Variants in PIK3C2G observed in about 807,000 individuals in gnomAD.
PIK3C2G encodes the protein phosphatidylinositol-4-phosphate 3-kinase catalytic subunit type 2 gamma, also known as phosphatidylinositol 3-kinase C2 domain-containing subunit gamma.
In PIK3C2G, 168 loss-of-function variants were observed where a neutral mutation model predicts 181.1. The observed-to-expected ratio is 0.93, with a 90% CI of 0.82 to 1.05. The LOEUF is 1.05. Ranked by LOEUF, PIK3C2G falls within the 50% of genes least tolerant of loss-of-function variation. The pLI is 0.00. For missense variants in PIK3C2G, 1,869 were observed against 1,732.8 expected (o/e 1.08, Z -1.40); for synonymous variants, 573 against 592.2 (o/e 0.97, Z 0.47).
At chr12:18,495,760 T>C (rs1440015403) in intron 20 of PIK3C2G, among the ~76,000 whole-genome samples, 2 of 152,170 alleles carry the variant, frequency 1.3e-5, no homozygotes, top group Admixed American at 1.3e-4. Flanking sequence ...CATACACTGC[T>C]TAGTTCATTT....
At chr12:18,307,900 T>C (rs895777670) in intron 5 of PIK3C2G, among the ~76,000 whole-genome samples, 8 of 151,922 alleles carry the variant, frequency 5.3e-5, no homozygotes, top group African/African-American at 1.9e-4. Flanking sequence ...ATTCTAATAC[T>C]ACAGTTTCTT....
chr12:18,397,954 T>C lies in PIK3C2G; in HGVS notation c.2127-1705T>C, dbSNP rs150973566. ...TATTCATTAATTAAAAGGAATTAAC[T>C]ATTGACAAACTCAACCAATATGGAT... On this transcript the variant is annotated intron_variant, in intron 15 of 32. Coordinates refer to ENST00000538779, the MANE Select transcript of PIK3C2G (RefSeq NM_001288772.2). Among the ~76,000 whole-genome samples, 209 of 152,250 alleles carry C rather than the reference T, an allele frequency of 1.4e-3. 1 individual carries two copies. The Middle Eastern group carries it at 0.02, about 15-fold the overall frequency.
chr12:18,655,054 T>A, the PIK3C2G span, among the ~76,000 whole-genome samples: 3 of 151,066 alleles, frequency 2.0e-5, no homozygotes, highest in Admixed American at 6.6e-5. Flanking sequence ...GAAACAATAA[T>A]AAAAAAAAAT....
At chr12:18,535,088 A>G (rs1393333089) in intron 24 of PIK3C2G, among the ~76,000 whole-genome samples, 3 of 152,120 alleles carry the variant, frequency 2.0e-5, no homozygotes, top group Non-Finnish European at 4.4e-5. Flanking sequence ...TAATGCTTAA[A>G]TTTCAGAGAT....
chr12:18,466,392 A>G (rs955626160), intron 18 of PIK3C2G, among the ~76,000 whole-genome samples: 2 of 148,048 alleles, frequency 1.4e-5, no homozygotes, highest in African/African-American at 5.3e-5. Context: ...ATCACATTCT[A>G]TATTGAAATA....
intron 18 of PIK3C2G, among the ~76,000 whole-genome samples, chr12:18,427,428 A>T (rs989848114): frequency 1.3e-5 from 2 of 149,478 alleles, no homozygotes; most frequent in Non-Finnish European, 3.0e-5. Context: ...AATTGCTGGA[A>T]CCCGGGAGGT....
intron 24 of PIK3C2G, among the ~76,000 whole-genome samples, chr12:18,513,163 A>G (rs1942322533): frequency 6.6e-6 from 1 of 151,818 alleles, no homozygotes; most frequent in South Asian, 2.1e-4. Flanking sequence ...ATGGTGAATG[A>G]TTCTTTTAAT....
At chr12:18,650,704 G>GTATATATCTA (rs1950448561), downstream of PIK3C2G, among the ~76,000 whole-genome samples, 36 of 57,754 alleles carry the variant, frequency 6.2e-4, no homozygotes, top group Non-Finnish European at 1.2e-3. Context: ...GTGTGTGTGT[G>GTATATATCTA]TATATATCTA....
At chr12:18,509,828 C>A (rs1942092720) in intron 24 of PIK3C2G, among the ~76,000 whole-genome samples, 1 of 152,164 alleles carries the variant, frequency 6.6e-6, no homozygotes, top group African/African-American at 2.4e-5. Flanking sequence ...AGAATTTATA[C>A]CATCAGATTA....
chr12:18,463,404 C>T (rs962509405), intron 18 of PIK3C2G, among the ~76,000 whole-genome samples: 11 of 152,126 alleles, frequency 7.2e-5, no homozygotes, highest in Admixed American at 5.9e-4. Context: ...TGTTAGACTC[C>T]TCTCTGCCAT....
At chr12:18,299,658 G>A (rs1565571573) in intron 5 of PIK3C2G, among the ~76,000 whole-genome samples, 2 of 151,744 alleles carry the variant, frequency 1.3e-5, no homozygotes, top group African/African-American at 2.4e-5. Context: ...TCTTCATTCC[G>A]TTTGATGTTA....
intron 18 of PIK3C2G, among the ~76,000 whole-genome samples, chr12:18,428,221 A>G (rs775706680): frequency 1.3e-5 from 2 of 151,890 alleles, no homozygotes; most frequent in Non-Finnish European, 2.9e-5. Flanking sequence ...ATATTTAGGG[A>G]GTGACTGCTT....
At chr12:18,701,728 T>C in the PIK3C2G span, 1 of 1,612,886 alleles carries the variant, frequency 6.2e-7, no homozygotes, top group South Asian at 1.1e-5. Context: ...TGGGTTTCCT[T>C]TAAGGTTCCT....
intron 14 of PIK3C2G, among the ~76,000 whole-genome samples, chr12:18,388,932 T>C (rs1382595207): frequency 5.3e-5 from 8 of 152,206 alleles, no homozygotes; most frequent in Non-Finnish European, 1.2e-4. Context: ...TTTTTGTTGC[T>C]GTTGTTGTTG....
intron 15 of PIK3C2G, among the ~76,000 whole-genome samples, chr12:18,392,127 T>C (rs931788997): frequency 6.6e-6 from 1 of 152,214 alleles, no homozygotes; most frequent in Non-Finnish European, 1.5e-5. Context: ...ACTAAGATGA[T>C]AGCAGTGGAT....
At chr12:18,522,804 A>G (rs1943003585) in intron 24 of PIK3C2G, among the ~76,000 whole-genome samples, 1 of 152,016 alleles carries the variant, frequency 6.6e-6, no homozygotes, top group Non-Finnish European at 1.5e-5. Context: ...ATTTTTCATC[A>G]TTATTTTATT....
chr12:18,244,677 C>T (rs1486433489), upstream of PIK3C2G, among the ~76,000 whole-genome samples: 1 of 152,002 alleles, frequency 6.6e-6, no homozygotes, highest in Non-Finnish European at 1.5e-5. Flanking sequence ...GGCACTGCCG[C>T]GATGCTATCA....
At chr12:18,687,947 A>G in the PIK3C2G span, 1 of 1,065,848 alleles carries the variant, frequency 9.4e-7, no homozygotes, top group Non-Finnish European at 1.3e-6. Context: ...TGTTGCATAT[A>G]ACATTTTGCT....
At chr12:18,310,173 A>G (rs1950581278) in intron 5 of PIK3C2G, among the ~76,000 whole-genome samples, 1 of 151,850 alleles carries the variant, frequency 6.6e-6, no homozygotes, top group Admixed American at 6.6e-5. Context: ...TTTCCATTCA[A>G]GTTTTTCTTT....
Sources: gnomAD v4.1 joint callset for allele counts (sites outside exome capture counted in the v4.1 genomes callset) on GRCh38, gnomAD v4.1.1 for gene constraint, MANE v1.5 for transcripts, NCBI Gene and HGNC (gene_info 2026-07-23, HGNC 2026-07-21) for gene names.